Variants in SEC31A observed in about 807,000 individuals in gnomAD.
SEC31A encodes the protein SEC31 homolog A, COPII component.
SEC31A carries 70 observed loss-of-function variants against 151.0 expected under a neutral mutation model. That is an observed-to-expected ratio of 0.46 (90% confidence interval 0.38 to 0.57). The LOEUF is 0.57. Ranked by LOEUF, SEC31A falls within the 20% of genes least tolerant of loss-of-function variation. The pLI is 0.00. For synonymous variants in SEC31A, 475 were observed against 505.9 expected, an observed-to-expected ratio of 0.94 and a Z score of 0.82; for missense variants, 1,330 against 1,471.2, an observed-to-expected ratio of 0.90 and a Z score of 1.57.
chr4:82,821,036 C>A lies in SEC31A; in HGVS notation c.3483+1G>T. ...ATAAATCCTTTTCCTCCAAAACTTA[C>A]TGTCTGTTCCCTAAGTTTATCATAC... On this transcript the variant is annotated splice_donor_variant, in intron 26 of 26. Coordinates refer to ENST00000395310, the MANE Select transcript of SEC31A (RefSeq NM_001077207.4). LOFTEE classifies it high-confidence loss of function. 1 of 1,608,918 alleles carries A rather than the reference C, an allele frequency of 6.2e-7. No homozygotes were observed. The highest frequency in any genetic ancestry group is 8.5e-7 in the Non-Finnish European group (1 of 1,175,564).
intron 26 of SEC31A, among the ~76,000 whole-genome samples, chr4:82,819,581 A>G (rs1034292348): frequency 6.6e-6 from 1 of 152,184 alleles, no homozygotes; most frequent in Non-Finnish European, 1.5e-5. Flanking sequence ...CCTTTAAAAA[A>G]TTCTCCTATG....
chr4:82,841,534 A>G (rs1349334679), intron 22 of SEC31A, among the ~76,000 whole-genome samples: 10 of 123,796 alleles, frequency 8.1e-5, no homozygotes, highest in South Asian at 2.9e-4. Context: ...CCAGCTACTC[A>G]GGAGGCTGAG....
At chr4:82,856,452 A>G (rs1732682432) in intron 16 of SEC31A, among the ~76,000 whole-genome samples, 1 of 151,556 alleles carries the variant, frequency 6.6e-6, no homozygotes, top group Non-Finnish European at 1.5e-5. Flanking sequence ...CCCAGCCGCA[A>G]TTAAAAAATT....
At position 82,871,052 on chromosome 4, in the gene SEC31A, C is replaced by T. The variant is rs543891866; in HGVS notation, c.783-628G>A. 1.0e-3 allele frequency among the ~76,000 whole-genome samples: 154 copies of T among 152,216 alleles called. 1 individual carries two copies. The highest frequency in any genetic ancestry group is 3.4e-3 in the African/African-American group (141 of 41,546). On this transcript the variant is annotated intron_variant, in intron 7 of 26. Coordinates refer to ENST00000395310, the MANE Select transcript of SEC31A (RefSeq NM_001077207.4). Reference sequence around the variant, plus strand: ...TTTGAAAATCAGCCAGTTATGGTGGCGTGTGCCTGTAGTTCCAGGCATACT... The same window carrying T: ...TTTGAAAATCAGCCAGTTATGGTGGTGTGTGCCTGTAGTTCCAGGCATACT...
At chr4:82,846,775 C>A (rs1039602772) in intron 20 of SEC31A, among the ~76,000 whole-genome samples, 2 of 152,048 alleles carry the variant, frequency 1.3e-5, no homozygotes, top group Non-Finnish European at 2.9e-5. Context: ...AGTGCAATGG[C>A]GTGATCTCAG....
upstream of SEC31A, among the ~76,000 whole-genome samples, chr4:82,892,741 G>C (rs879102037): frequency 5.9e-5 from 9 of 152,130 alleles, no homozygotes; most frequent in Admixed American, 5.2e-4. Context: ...TTTTTTGGGG[G>C]GGGGGGCACA....
intron 24 of SEC31A, 106 bp from the exon 25 acceptor site, chr4:82,824,780 C>A: frequency 8.2e-7 from 1 of 1,217,620 alleles, no homozygotes; most frequent in South Asian, 1.9e-5. Context: ...TGTACATAGA[C>A]CTATTCAAAA....
intron 10 of SEC31A, among the ~76,000 whole-genome samples, chr4:82,866,504 G>C (rs1228402103): frequency 6.6e-6 from 1 of 151,594 alleles, no homozygotes; most frequent in Non-Finnish European, 1.5e-5. Flanking sequence ...AATGGAGGAG[G>C]GGAGGAATAT....
chr4:82,868,912 A>C (rs960513129), intron 8 of SEC31A, among the ~76,000 whole-genome samples: 1 of 152,136 alleles, frequency 6.6e-6, no homozygotes, highest in Middle Eastern at 3.4e-3. Context: ...CTTGCCTCCC[A>C]AAGTGCTGAG....
intron 7 of SEC31A, 61 bp downstream of exon 7, chr4:82,871,883 A>C: frequency 6.2e-7 from 1 of 1,609,990 alleles, no homozygotes. Flanking sequence ...TGGTCACGAA[A>C]ACATCACCGA....
At chr4:82,872,111 T>TAC (rs1736814515) in intron 6 of SEC31A, 25 bp from the exon 7 acceptor site, 1 of 1,577,702 alleles carries the variant, frequency 6.3e-7, no homozygotes, top group South Asian at 1.1e-5. Flanking sequence ...GGTTCACATT[T>TAC]TATGAATCAA....
At chr4:82,858,241 T>C (rs1404597708) in intron 14 of SEC31A, among the ~76,000 whole-genome samples, 1 of 151,596 alleles carries the variant, frequency 6.6e-6, no homozygotes, top group Non-Finnish European at 1.5e-5. Flanking sequence ...TGAAACCCCG[T>C]CTCTACTAAA....
At position 82,861,817 on chromosome 4, in the gene SEC31A, A is replaced by T. The variant is rs376500189; in HGVS notation, c.1549-109T>A. The T allele has an allele frequency of 3.5e-5, 21 of 597,856 alleles. No homozygotes were observed. The East Asian group carries it at 5.7e-4, about 16-fold the overall frequency. 37.0% of individuals were successfully genotyped at this position (597,856 alleles called of 1,614,324 possible). On this transcript the variant is annotated intron_variant, in intron 13 of 26. Transcript: ENST00000395310. ...AACCAACAACATTCAGAGCTAGTTTAATCATAAGAAGCAACAGTGAGTAAA... is the reference window on the plus strand; with the variant it reads ...AACCAACAACATTCAGAGCTAGTTTTATCATAAGAAGCAACAGTGAGTAAA...
chr4:82,866,302 C>G (rs1005981115), intron 10 of SEC31A, among the ~76,000 whole-genome samples: 7 of 152,128 alleles, frequency 4.6e-5, no homozygotes, highest in South Asian at 4.1e-4. Context: ...AAAACCCCAT[C>G]TCTACTAAAA....
intron 21 of SEC31A, among the ~76,000 whole-genome samples, chr4:82,843,097 C>A (rs1252722719): frequency 6.6e-6 from 1 of 150,790 alleles, no homozygotes; most frequent in African/African-American, 2.4e-5. Flanking sequence ...TGTTTTAATG[C>A]AAAGACCTAA....
chr4:82,819,722 A>G (rs1483070323), intron 26 of SEC31A, among the ~76,000 whole-genome samples: 1 of 151,824 alleles, frequency 6.6e-6, no homozygotes, highest in Admixed American at 6.6e-5. Flanking sequence ...TTACTATGTC[A>G]TTACTTGGCA....
chr4:82,820,024 A>G lies in SEC31A; in HGVS notation c.3484-771T>C, dbSNP rs2148884455. Among the ~76,000 whole-genome samples, 3 of 151,698 alleles carry G rather than the reference A, an allele frequency of 2.0e-5. No homozygotes were observed. The South Asian group carries it at 6.3e-4, about 32-fold the overall frequency. ...TGATCTGCCCGCCTCAGCCTCCCAAAGTGCTGGGATTACAGGCGTGAGCCA... is the reference window on the plus strand; with the variant it reads ...TGATCTGCCCGCCTCAGCCTCCCAAGGTGCTGGGATTACAGGCGTGAGCCA... On this transcript the variant is annotated intron_variant, in intron 26 of 26. Coordinates refer to ENST00000395310, the MANE Select transcript of SEC31A (RefSeq NM_001077207.4).
chr4:82,871,662 G>A (rs1578329992), intron 7 of SEC31A: 2 of 525,028 alleles, frequency 3.8e-6, no homozygotes, highest in East Asian at 6.4e-5. Context: ...TGTAATCCCA[G>A]CTATAAAATT....
chr4:82,829,407 A>T (rs111785058), intron 22 of SEC31A: 1,888 of 176,810 alleles, frequency 0.011, 43 homozygotes, highest in African/African-American at 0.043. Context: ...AAGTCTGCTA[A>T]AAAAACAAAA....
Sources: allele counts gnomAD v4.1 joint callset (sites outside exome capture counted in the v4.1 genomes callset), GRCh38; gene constraint gnomAD v4.1.1; transcripts MANE v1.5; gene names NCBI Gene and HGNC (gene_info 2026-07-23, HGNC 2026-07-21).